The following LRBA variants were observed in gnomAD, a reference collection of about 807,000 sequenced individuals.
The protein encoded by LRBA is lipopolysaccharide-responsive and beige-like anchor protein.
A neutral mutation model predicts 330.0 loss-of-function variants in LRBA; 176 were observed. That is an observed-to-expected ratio of 0.53 (90% confidence interval 0.47 to 0.60). The LOEUF (loss-of-function observed/expected upper bound fraction) is 0.60. LRBA is among the 20% of genes least tolerant of loss of function. The pLI is 0.00. For missense variants in LRBA, 3,259 were observed against 3,444.8 expected (o/e 0.95, Z 1.35); for synonymous variants, 1,230 against 1,193.0 (o/e 1.03, Z -0.64).
At chr4:151,001,852 CAT>C (rs1424116656) in intron 2 of LRBA, among the ~76,000 whole-genome samples, 2 of 152,136 alleles carry the variant, frequency 1.3e-5, no homozygotes, top group Non-Finnish European at 2.9e-5. Flanking sequence ...CAAGGACAGG[CAT>C]TCTCAGCCCA....
chr4:150,791,505 T>C (rs1438874489), intron 34 of LRBA, among the ~76,000 whole-genome samples: 1 of 152,144 alleles, frequency 6.6e-6, no homozygotes, highest in Non-Finnish European at 1.5e-5. Flanking sequence ...ATACGACACA[T>C]GTTTGCTAAA....
intron 35 of LRBA, among the ~76,000 whole-genome samples, chr4:150,750,000 C>T (rs1351946316): frequency 6.6e-6 from 1 of 152,168 alleles, no homozygotes; most frequent in Non-Finnish European, 1.5e-5. Flanking sequence ...ACTATTCACT[C>T]CTTATGGCCT....
intron 53 of LRBA, among the ~76,000 whole-genome samples, chr4:150,291,772 A>G (rs1162268452): frequency 2.7e-5 from 4 of 149,480 alleles, no homozygotes; most frequent in Middle Eastern, 3.4e-3. Flanking sequence ...ACACATGCAC[A>G]CGTATGTTTA....
At chr4:150,404,000 C>T (rs1745834930) in intron 47 of LRBA, among the ~76,000 whole-genome samples, 1 of 152,066 alleles carries the variant, frequency 6.6e-6, no homozygotes, top group Non-Finnish European at 1.5e-5. Flanking sequence ...CCACTGTACT[C>T]CAGCCTGGGC....
chr4:150,943,954 G>A (rs557493531), intron 2 of LRBA, among the ~76,000 whole-genome samples: 1 of 152,264 alleles, frequency 6.6e-6, no homozygotes, highest in East Asian at 1.9e-4. Context: ...TATTCAAGCA[G>A]CTCAGTGAGA....
chr4:150,567,200 T>A (rs969548317), intron 40 of LRBA, among the ~76,000 whole-genome samples: 1 of 152,096 alleles, frequency 6.6e-6, no homozygotes, highest in African/African-American at 2.4e-5. Flanking sequence ...TGGCCCTCCA[T>A]GTATTTAAAA....
intron 31 of LRBA, among the ~76,000 whole-genome samples, chr4:150,813,966 T>A (rs1455001071): frequency 6.6e-6 from 1 of 152,106 alleles, no homozygotes; most frequent in Non-Finnish European, 1.5e-5. Flanking sequence ...AACCCCATCA[T>A]AAGTCAAGGA....
intron 52 of LRBA, among the ~76,000 whole-genome samples, chr4:150,305,373 C>T (rs1560989462): frequency 6.6e-6 from 1 of 152,138 alleles, no homozygotes; most frequent in African/African-American, 2.4e-5. Flanking sequence ...ATGGTGGTTC[C>T]TTTTCAAAAT....
intron 35 of LRBA, among the ~76,000 whole-genome samples, chr4:150,761,111 G>A (rs922195509): frequency 6.6e-6 from 1 of 151,972 alleles, no homozygotes; most frequent in African/African-American, 2.4e-5. Context: ...TATACTCTGG[G>A]TCTTCAGTTC....
chr4:150,413,894 G>C (rs1002631796), intron 47 of LRBA, among the ~76,000 whole-genome samples: 5 of 152,080 alleles, frequency 3.3e-5, no homozygotes, highest in East Asian at 1.9e-4. Context: ...CACGACCATA[G>C]ACACCTGCCG....
chr4:150,376,843 T>C (rs1479808231), intron 47 of LRBA, among the ~76,000 whole-genome samples: 1 of 152,140 alleles, frequency 6.6e-6, no homozygotes, highest in Non-Finnish European at 1.5e-5. Flanking sequence ...AGTTTGTTTT[T>C]AATGCCCATA....
intron 47 of LRBA, among the ~76,000 whole-genome samples, chr4:150,366,221 G>C (rs1424597486): frequency 6.6e-6 from 1 of 151,878 alleles, no homozygotes; most frequent in African/African-American, 2.4e-5. Flanking sequence ...TATGATAGCT[G>C]GTAAGACATA....
At chr4:150,324,830 G>A (rs72953825) in intron 49 of LRBA, among the ~76,000 whole-genome samples, 1 of 151,904 alleles carries the variant, frequency 6.6e-6, no homozygotes, top group African/African-American at 2.4e-5. Flanking sequence ...TTTTATGAGG[G>A]ACAATTGAAA....
rs1745096517 is a variant in LRBA, at chr4:150,264,771, C to T, written c.*951G>A. 1 of 152,654 alleles carries T rather than the reference C, an allele frequency of 6.6e-6. No individual in the cohort carries two copies. The highest frequency in any genetic ancestry group is 2.4e-5 in the African/African-American group (1 of 41,466). 9.5% of individuals were successfully genotyped at this position (152,654 alleles called of 1,614,324 possible). ...AGTAGAATTATACACCACCAAATAA[C>T]ATTGTTTCGTTTCTTAGTACAAATT... On this transcript the variant is annotated 3_prime_UTR_variant, in exon 57 of 57. Transcript: ENST00000651943.
chr4:150,517,946 T>C (rs1389024642), intron 40 of LRBA, among the ~76,000 whole-genome samples: 1 of 152,218 alleles, frequency 6.6e-6, no homozygotes, highest in Non-Finnish European at 1.5e-5. Flanking sequence ...TGCTGGTAAC[T>C]TTTGCAGTTT....
intron 20 of LRBA, among the ~76,000 whole-genome samples, chr4:150,869,217 C>T (rs923258047): frequency 1.3e-5 from 2 of 151,946 alleles, no homozygotes; most frequent in Non-Finnish European, 2.9e-5. Flanking sequence ...CCACGGCCGG[C>T]CTACCATAGA....
intron 2 of LRBA, among the ~76,000 whole-genome samples, chr4:150,987,067 T>C (rs907470293): frequency 2.0e-5 from 3 of 152,222 alleles, no homozygotes; most frequent in Non-Finnish European, 4.4e-5. Context: ...TAAAGTTTTG[T>C]TCCATATCAA....
At chr4:150,885,600 G>C (rs1728863698) in intron 17 of LRBA, among the ~76,000 whole-genome samples, 1 of 151,968 alleles carries the variant, frequency 6.6e-6, no homozygotes, top group Admixed American at 6.6e-5. Context: ...CATCCTGGGT[G>C]ACAGAGGGAG....
chr4:150,423,469 C>A, intron 46 of LRBA: 1 of 573,372 alleles, frequency 1.7e-6, no homozygotes, highest in South Asian at 2.0e-5. Flanking sequence ...ATTTCTTCAT[C>A]TGGATCAAAT....
Sources: allele counts gnomAD v4.1 joint callset (sites outside exome capture counted in the v4.1 genomes callset), GRCh38; gene constraint gnomAD v4.1.1; transcripts MANE v1.5; gene names NCBI Gene and HGNC (gene_info 2026-07-23, HGNC 2026-07-21).